The following MAP4K4 variants were observed in gnomAD, a reference collection of about 807,000 sequenced individuals.
MAP4K4 encodes the protein HPK/GCK-like kinase HGK.
A neutral mutation model predicts 189.6 loss-of-function variants in MAP4K4; 38 were observed. The observed-to-expected ratio is 0.20, with a 90% CI of 0.15 to 0.26. The LOEUF (loss-of-function observed/expected upper bound fraction) is 0.26. Ranked by LOEUF, MAP4K4 falls within the 10% of genes least tolerant of loss-of-function variation. MAP4K4 has a pLI of 1.00. For synonymous variants in MAP4K4, 610 were observed against 624.3 expected, an observed-to-expected ratio of 0.98 and a Z score of 0.34; for missense variants, 1,054 against 1,726.9, an observed-to-expected ratio of 0.61 and a Z score of 6.91.
intron 2 of MAP4K4, among the ~76,000 whole-genome samples, chr2:101,729,276 T>G (rs1464228448): frequency 6.6e-6 from 1 of 152,086 alleles, no homozygotes; most frequent in African/African-American, 2.4e-5. Context: ...TGCCAGCTTT[T>G]CACAAAGTGA....
intron 2 of MAP4K4, among the ~76,000 whole-genome samples, chr2:101,790,226 T>C (rs1169431048): frequency 1.3e-5 from 2 of 152,228 alleles, no homozygotes; most frequent in Middle Eastern, 3.4e-3. Context: ...ATTACAGTTA[T>C]CCATTTTTGA....
intron 2 of MAP4K4, among the ~76,000 whole-genome samples, chr2:101,749,391 G>C (rs1160675302): frequency 1.1e-4 from 16 of 151,440 alleles, no homozygotes; most frequent in African/African-American, 3.4e-4. Flanking sequence ...ACAAACCTGA[G>C]AAAAACAAGC....
chr2:101,791,056 C>T (rs182138616), intron 3 of MAP4K4, among the ~76,000 whole-genome samples: 5 of 152,246 alleles, frequency 3.3e-5, no homozygotes, highest in Non-Finnish European at 7.4e-5. Flanking sequence ...TAATTGGAAA[C>T]ATCTTCTCTA....
intron 3 of MAP4K4, among the ~76,000 whole-genome samples, chr2:101,818,841 G>A (rs1181106265): frequency 6.6e-6 from 1 of 152,114 alleles, no homozygotes; most frequent in African/African-American, 2.4e-5. Flanking sequence ...AGTCCAAAAT[G>A]CTAATTGGCA....
At chr2:101,820,110 A>G (rs916025875) in intron 3 of MAP4K4, among the ~76,000 whole-genome samples, 6 of 152,248 alleles carry the variant, frequency 3.9e-5, no homozygotes, top group African/African-American at 1.4e-4. Flanking sequence ...GTTAGATCCT[A>G]GAAGACATTG....
At chr2:101,734,073 C>CT (rs1374160162) in intron 2 of MAP4K4, among the ~76,000 whole-genome samples, 1 of 152,148 alleles carries the variant, frequency 6.6e-6, no homozygotes, top group Non-Finnish European at 1.5e-5. Flanking sequence ...AATTCTTCAT[C>CT]TTTTTTCCCA....
intron 2 of MAP4K4, among the ~76,000 whole-genome samples, chr2:101,773,784 A>G (rs1036050487): frequency 2.0e-4 from 31 of 152,116 alleles, no homozygotes; most frequent in African/African-American, 7.2e-4. Context: ...CTATATCTCC[A>G]TGAGTTCAAT....
intron 2 of MAP4K4, among the ~76,000 whole-genome samples, chr2:101,734,751 C>T (rs1050037931): frequency 2.7e-4 from 41 of 152,170 alleles, no homozygotes; most frequent in African/African-American, 8.9e-4. Flanking sequence ...AGAGAGATTG[C>T]GGCAGTAGAA....
intron 27 of MAP4K4, among the ~76,000 whole-genome samples, chr2:101,879,515 C>T (rs2098322658): frequency 2.0e-5 from 3 of 152,086 alleles, no homozygotes; most frequent in Admixed American, 2.0e-4. Context: ...TTTTTCTTCT[C>T]TTAACATATA....
chr2:101,740,631 G>A (rs1288347186), intron 2 of MAP4K4, among the ~76,000 whole-genome samples: 1 of 152,156 alleles, frequency 6.6e-6, no homozygotes, highest in African/African-American at 2.4e-5. Flanking sequence ...TGCAGTAACT[G>A]TTCTTTTCAA....
At chr2:101,857,505 T>C (rs962346441) in intron 13 of MAP4K4, among the ~76,000 whole-genome samples, 2 of 152,174 alleles carry the variant, frequency 1.3e-5, no homozygotes, top group African/African-American at 4.8e-5. Flanking sequence ...CGAGTTAAGA[T>C]TTAATTCTGT....
At chr2:101,744,531 G>A (rs1245120470) in intron 2 of MAP4K4, among the ~76,000 whole-genome samples, 1 of 152,064 alleles carries the variant, frequency 6.6e-6, no homozygotes. Context: ...TGTTAGATTT[G>A]TAGAGCCTAC....
At chr2:101,893,940 CG>C in exon 33 of MAP4K4, 1 of 152,428 alleles carries the variant, frequency 6.6e-6, no homozygotes. Flanking sequence ...TCCTTCTCGG[CG>C]GGGGCTTCCT....
intron 3 of MAP4K4, among the ~76,000 whole-genome samples, chr2:101,818,620 CT>C (rs2095857507): frequency 6.6e-6 from 1 of 152,196 alleles, no homozygotes; most frequent in African/African-American, 2.4e-5. Flanking sequence ...CAACAAAACA[CT>C]CATACCATGC....
chr2:101,779,471 G>C (rs11894699), intron 2 of MAP4K4, among the ~76,000 whole-genome samples: 1 of 152,016 alleles, frequency 6.6e-6, no homozygotes, highest in African/African-American at 2.4e-5. Context: ...GATGGGTTGA[G>C]TGTACAACTC....
chr2:101,779,868 A>G (rs1329529831), intron 2 of MAP4K4, among the ~76,000 whole-genome samples: 1 of 151,550 alleles, frequency 6.6e-6, no homozygotes, highest in Non-Finnish European at 1.5e-5. Context: ...AAATATGAAT[A>G]TACAGCATAG....
At chr2:101,710,201 A>G (rs2044637213) in intron 2 of MAP4K4, among the ~76,000 whole-genome samples, 6 of 152,214 alleles carry the variant, frequency 3.9e-5, no homozygotes, top group African/African-American at 1.4e-4. Context: ...GAGTGTGTAC[A>G]TTTAAGTGAC....
intron 12 of MAP4K4, among the ~76,000 whole-genome samples, chr2:101,845,494 G>A (rs576713294): frequency 6.6e-6 from 1 of 152,280 alleles, no homozygotes; most frequent in South Asian, 2.1e-4. Flanking sequence ...GACCTAGATG[G>A]TACAGCCTAC....
At chr2:101,788,886 A>AAG (rs2092305353) in intron 2 of MAP4K4, among the ~76,000 whole-genome samples, 1 of 152,130 alleles carries the variant, frequency 6.6e-6, no homozygotes, top group Admixed American at 6.5e-5. Flanking sequence ...AAGAAAAAAA[A>AAG]AGATCCTACT....
Sources: gnomAD v4.1 joint callset for allele counts (sites outside exome capture counted in the v4.1 genomes callset) on GRCh38, gnomAD v4.1.1 for gene constraint, MANE v1.5 for transcripts, NCBI Gene and HGNC (gene_info 2026-07-23, HGNC 2026-07-21) for gene names.